Variants in AVEN observed in about 807,000 individuals in gnomAD.
AVEN encodes the protein cell death regulator Aven.
In AVEN, 41 loss-of-function variants were observed where a neutral mutation model predicts 38.1. That is an observed-to-expected ratio of 1.08 (90% CI 0.84 to 1.40). The LOEUF is 1.40. AVEN is among the 40% of genes most tolerant of loss of function. AVEN has a pLI of 0.00. For synonymous variants in AVEN, 206 were observed against 171.8 expected, an observed-to-expected ratio of 1.20 and a Z score of -1.56; for missense variants, 605 against 438.8, an observed-to-expected ratio of 1.38 and a Z score of -3.38.
In AVEN at chr15:33,983,200, G is replaced by A. The variant is rs1177176714; in HGVS notation, c.445+19832C>T. Among the ~76,000 whole-genome samples, 435 of 63,736 alleles carry A rather than the reference G, an allele frequency of 6.8e-3. 5 individuals carry two copies. Among genetic ancestry groups the A allele is most frequent in the African/African-American group, 0.022 (348 of 15,950 alleles). 41.8% of individuals were successfully genotyped at this position (63,736 alleles called of 152,430 possible). A position where few individuals can be genotyped will look rare whatever the true frequency, so the allele number is the denominator to read the frequency against. On this transcript the variant is annotated intron_variant, in intron 2 of 5. Coordinates refer to ENST00000306730, the MANE Select transcript of AVEN (RefSeq NM_020371.3). Reference sequence around the variant, plus strand: ...TATACACACGTGTGTGTATGTGTGTGTATATATATATATACATATATATAC... The same window carrying A: ...TATACACACGTGTGTGTATGTGTGTATATATATATATATACATATATATAC...
intron 2 of AVEN, among the ~76,000 whole-genome samples, chr15:33,899,438 A>G (rs929537629): frequency 1.6e-5 from 2 of 127,502 alleles, no homozygotes; most frequent in Non-Finnish European, 3.4e-5. Flanking sequence ...AAGTGTTTAC[A>G]TTTATTTGCT....
At chr15:33,942,641 C>T (rs770401019) in intron 2 of AVEN, among the ~76,000 whole-genome samples, 11 of 151,956 alleles carry the variant, frequency 7.2e-5, no homozygotes, top group Non-Finnish European at 1.5e-4. Flanking sequence ...TTAGTAGAGA[C>T]GGGGTTTCAC....
chr15:33,939,690 T>A (rs1360628240), intron 2 of AVEN, among the ~76,000 whole-genome samples: 1 of 152,206 alleles, frequency 6.6e-6, no homozygotes, highest in East Asian at 1.9e-4. Context: ...TAAACGTTGC[T>A]ACAGCTCTAA....
chr15:33,986,941 G>A (rs1896502827), intron 2 of AVEN, among the ~76,000 whole-genome samples: 1 of 152,222 alleles, frequency 6.6e-6, no homozygotes, highest in Non-Finnish European at 1.5e-5. Context: ...ACAGGCATGA[G>A]CCACCGCGCC....
rs987212296 is a variant in AVEN at position 33,886,157 on chromosome 15, G to A, written c.446-10162C>T. Among the ~76,000 whole-genome samples the A allele has an allele frequency of 3.5e-4, 54 of 152,118 alleles. 1 individual carries two copies. Among genetic ancestry groups the A allele is most frequent in the Non-Finnish European group, 7.4e-5 (5 of 68,024 alleles). On this transcript the variant is annotated intron_variant, in intron 2 of 5. Transcript: ENST00000306730. ...AAAAGATTCTATCTCTGTTGATATGGTTTGGCTCTGTCCCCACCCAAATCT... is the reference window on the plus strand; with the variant it reads ...AAAAGATTCTATCTCTGTTGATATGATTTGGCTCTGTCCCCACCCAAATCT...
chr15:34,025,053 C>G (rs1186552541), intron 1 of AVEN, among the ~76,000 whole-genome samples: 1 of 150,900 alleles, frequency 6.6e-6, no homozygotes, highest in Non-Finnish European at 1.5e-5. Flanking sequence ...AGCCTGTAAT[C>G]CAGCTACTTG....
chr15:34,040,492 A>C (rs1294686598), upstream of AVEN, among the ~76,000 whole-genome samples: 2 of 152,214 alleles, frequency 1.3e-5, no homozygotes, highest in Non-Finnish European at 2.9e-5. Flanking sequence ...ACACTTGTAG[A>C]GCACTTATAT....
chr15:34,033,840 A>G (rs1373673787), intron 1 of AVEN, among the ~76,000 whole-genome samples: 1 of 152,110 alleles, frequency 6.6e-6, no homozygotes, highest in African/African-American at 2.4e-5. Context: ...CAGGGTAAAG[A>G]GCAGTGGCGC....
chr15:34,008,089 A>AGAAAAAATCACCTATCACAGGAG (rs1897442337), intron 1 of AVEN, among the ~76,000 whole-genome samples: 2 of 152,140 alleles, frequency 1.3e-5, no homozygotes, highest in Non-Finnish European at 2.9e-5. Flanking sequence ...AATTCTTGGA[A>AGAAAAAATCACCTATCACAGGAG]GAAAAAATCA....
chr15:33,989,867 G>C (rs1896642510), intron 2 of AVEN, among the ~76,000 whole-genome samples: 1 of 150,364 alleles, frequency 6.7e-6, no homozygotes, highest in African/African-American at 2.5e-5. Context: ...ACAAAGAAGA[G>C]ACAATAGCAA....
chr15:34,063,536 C>T lies in AVEN; in HGVS notation n.1127-104G>A. On this transcript the variant is annotated intron_variant and non_coding_transcript_variant, in intron 4 of 11. Coordinates refer to the AVEN transcript ENST00000675287. This position sits in a 1 kb window ranked among gnomAD's most constrained non-coding sequence, Gnocchi z 4.1. The stretch of plus-strand genomic sequence containing the variant: ...AAAGGAACCAGGCCTCCTGGTCATC[C>T]TCCCGCAGGAGCACCTCCACCACTG... 1 of 1,613,664 alleles carries T rather than the reference C, an allele frequency of 6.2e-7. No individual in the cohort carries two copies. Among genetic ancestry groups the T allele is most frequent in the East Asian group, 2.2e-5 (1 of 44,880 alleles).
chr15:33,881,469 T>A (rs1234230730), intron 2 of AVEN, among the ~76,000 whole-genome samples: 1 of 152,220 alleles, frequency 6.6e-6, no homozygotes, highest in Non-Finnish European at 1.5e-5. Flanking sequence ...CATAGCTCAC[T>A]GCAGCCATGA....
At chr15:33,921,005 A>G (rs1161199164) in intron 2 of AVEN, among the ~76,000 whole-genome samples, 2 of 152,064 alleles carry the variant, frequency 1.3e-5, no homozygotes, top group Non-Finnish European at 2.9e-5. Context: ...GGAACACCGG[A>G]GCTCAAGTAA....
intron 4 of AVEN, among the ~76,000 whole-genome samples, chr15:33,869,929 TC>T (rs1890863597): frequency 6.6e-6 from 1 of 152,046 alleles, no homozygotes; most frequent in Non-Finnish European, 1.5e-5. Context: ...CATCCTGTTA[TC>T]TCCTGAATTT....
intron 2 of AVEN, among the ~76,000 whole-genome samples, chr15:33,950,344 T>C (rs1894692627): frequency 6.6e-6 from 1 of 152,236 alleles, no homozygotes; most frequent in Admixed American, 6.5e-5. Context: ...TTCTTAGTAT[T>C]CTCACCACAC....
intron 2 of AVEN, among the ~76,000 whole-genome samples, chr15:33,903,338 A>C (rs560093346): frequency 1.7e-4 from 26 of 152,352 alleles, no homozygotes; most frequent in South Asian, 1.2e-3. Context: ...GTGCAGCAAC[A>C]GCAGGTCTTC....
At chr15:34,074,017 A>G (rs1379544199) in intron 1 of AVEN, among the ~76,000 whole-genome samples, 1 of 59,694 alleles carries the variant, frequency 1.7e-5, no homozygotes, top group African/African-American at 1.4e-4. Flanking sequence ...TTTTTTTTTG[A>G]GACACAGTCC....
intron 1 of AVEN, among the ~76,000 whole-genome samples, chr15:34,007,607 A>G (rs1415363030): frequency 6.6e-6 from 1 of 152,136 alleles, no homozygotes; most frequent in African/African-American, 2.4e-5. Context: ...TTTACTCACT[A>G]CACAATTCCA....
chr15:34,036,141 T>C (rs1899113995), intron 1 of AVEN, among the ~76,000 whole-genome samples: 7 of 151,908 alleles, frequency 4.6e-5, no homozygotes, highest in Admixed American at 4.6e-4. Flanking sequence ...TCTAGTACAA[T>C]AATGCTTCTA....
Sources: allele counts gnomAD v4.1 joint callset (sites outside exome capture counted in the v4.1 genomes callset), GRCh38; gene constraint gnomAD v4.1.1; non-coding constraint Gnocchi (gnomAD v3.1); transcripts MANE v1.5; gene names NCBI Gene and HGNC (gene_info 2026-07-23, HGNC 2026-07-21).